CELF2: variants seen among roughly 807,000 people sequenced by gnomAD.
CELF2 encodes CUGBP Elav-like family member 2, also known as CUG triplet repeat RNA-binding protein 2.
A neutral mutation model predicts 62.6 loss-of-function variants in CELF2; 8 were observed. The ratio of observed to expected loss-of-function variants is 0.13; its 90% confidence interval spans 0.07 to 0.23. CELF2 has a LOEUF of 0.23. Among genes scored for constraint, CELF2 ranks in the 10% least tolerant of loss-of-function variants. The pLI is 1.00. For missense variants in CELF2, 333 were observed against 671.0 expected (o/e 0.50, Z 5.56); for synonymous variants, 258 against 250.0 (o/e 1.03, Z -0.30).
At chr10:11,107,939 C>A (rs1382853083) in intron 1 of CELF2, among the ~76,000 whole-genome samples, 1 of 128,896 alleles carries the variant, frequency 7.8e-6, no homozygotes, top group African/African-American at 3.3e-5. Flanking sequence ...TTCCTGTCCC[C>A]CATCCCGTCT....
rs917990103 is a variant in CELF2 at position 11,145,112 on chromosome 10, G to A, written c.75-20374G>A. On this transcript the variant is annotated intron_variant, in intron 1 of 12. Coordinates refer to ENST00000633077, the MANE Select transcript of CELF2 (RefSeq NM_001326342.2). This position sits in a 1 kb window ranked among gnomAD's most constrained non-coding sequence, Gnocchi z 4.3. ...TAGCCAAAGGTAATCTGTTTGTTAT[G>A]TACTTTCCTTTATTATCCCAGCAAG... 2.0e-5 allele frequency among the ~76,000 whole-genome samples: 3 copies of A among 152,218 alleles called. No individual in the cohort carries two copies. Among genetic ancestry groups the A allele is most frequent in the African/African-American group, 7.2e-5 (3 of 41,518 alleles).
chr10:11,034,719 T>A (rs1403622185), intron 1 of CELF2, among the ~76,000 whole-genome samples: 2 of 152,160 alleles, frequency 1.3e-5, no homozygotes, highest in African/African-American at 4.8e-5. Flanking sequence ...TTAGGTCAGG[T>A]TGAATCTGGT....
intron 1 of CELF2, among the ~76,000 whole-genome samples, chr10:11,036,139 T>G (rs1474701446): frequency 6.6e-6 from 1 of 152,228 alleles, no homozygotes; most frequent in Non-Finnish European, 1.5e-5. Context: ...GTCAGACCTT[T>G]GCCAAGATTA....
At chr10:10,590,714 C>T in the CELF2 span, among the ~76,000 whole-genome samples, 1 of 152,188 alleles carries the variant, frequency 6.6e-6, no homozygotes, top group South Asian at 2.1e-4. Context: ...TTAGATCTAC[C>T]AGCAAAGCTT....
the CELF2 span, among the ~76,000 whole-genome samples, chr10:10,707,450 G>A: frequency 2.6e-5 from 4 of 152,188 alleles, no homozygotes. Flanking sequence ...AATGATAGTT[G>A]TCACTAAATA....
intron 1 of CELF2, among the ~76,000 whole-genome samples, chr10:11,072,683 C>T (rs2070487556): frequency 6.6e-6 from 1 of 152,214 alleles, no homozygotes; most frequent in Non-Finnish European, 1.5e-5. Flanking sequence ...CATAGGAGCA[C>T]AAGAGTATCT....
At chr10:10,913,833 A>G (rs113823277) in intron 1 of CELF2, among the ~76,000 whole-genome samples, 9,591 of 133,996 alleles carry the variant, frequency 0.072, 772 homozygotes, top group African/African-American at 0.21. Flanking sequence ...GAGGGAGGGA[A>G]GGAAGGAAGG....
chr10:10,694,608 G>T, the CELF2 span, among the ~76,000 whole-genome samples: 2 of 151,902 alleles, frequency 1.3e-5, no homozygotes, highest in Non-Finnish European at 2.9e-5. Context: ...TGTTGACAGT[G>T]GGGTGTTAAA....
chr10:11,123,268 A>C (rs950969702), intron 1 of CELF2, among the ~76,000 whole-genome samples: 2 of 151,966 alleles, frequency 1.3e-5, no homozygotes, highest in East Asian at 3.9e-4. Flanking sequence ...ATTTTTTTTT[A>C]GAGACAGAAG....
At chr10:10,758,231 T>C in the CELF2 span, among the ~76,000 whole-genome samples, 1 of 152,196 alleles carries the variant, frequency 6.6e-6, no homozygotes, top group Admixed American at 6.5e-5. Flanking sequence ...CTGACTGCCG[T>C]CGTGGAAGGG....
At chr10:11,263,183 T>A (rs1590105660) in intron 5 of CELF2, among the ~76,000 whole-genome samples, 1 of 152,228 alleles carries the variant, frequency 6.6e-6, no homozygotes, top group Middle Eastern at 3.4e-3. Context: ...TTATCTGTTT[T>A]AGCAGCAAGA....
At chr10:10,508,168 CAA>C in the CELF2 span, among the ~76,000 whole-genome samples, 61,611 of 148,932 alleles carry the variant, frequency 0.41, 13,129 homozygotes, top group South Asian at 0.48. Flanking sequence ...CAGACAAATA[CAA>C]AAAAAAAAAA....
intron 2 of CELF2, among the ~76,000 whole-genome samples, chr10:11,167,956 T>TC (rs1200151350): frequency 6.6e-6 from 1 of 152,170 alleles, no homozygotes; most frequent in African/African-American, 2.4e-5. Flanking sequence ...TCGGACATGG[T>TC]CCATCTGTCT....
At chr10:10,681,909 G>A in the CELF2 span, among the ~76,000 whole-genome samples, 28 of 152,286 alleles carry the variant, frequency 1.8e-4, no homozygotes, top group Non-Finnish European at 2.9e-4. Flanking sequence ...AAAAGCTTAC[G>A]TGTAGTAAAT....
chr10:10,581,358 C>G, the CELF2 span, among the ~76,000 whole-genome samples: 8 of 152,130 alleles, frequency 5.3e-5, no homozygotes, highest in African/African-American at 1.9e-4. Context: ...CGATTTTGAT[C>G]CATTTTGCTT....
intron 1 of CELF2, among the ~76,000 whole-genome samples, chr10:11,100,891 C>T (rs1316488776): frequency 6.6e-6 from 1 of 152,160 alleles, no homozygotes; most frequent in Non-Finnish European, 1.5e-5. Flanking sequence ...AGGTTGCATT[C>T]AATGAAACAA....
the CELF2 span, among the ~76,000 whole-genome samples, chr10:10,743,989 CT>C: frequency 1.3e-5 from 2 of 152,098 alleles, no homozygotes; most frequent in African/African-American, 2.4e-5. Context: ...ACTTCTTTTT[CT>C]TCTTTATGTT....
At chr10:10,650,818 C>T in the CELF2 span, among the ~76,000 whole-genome samples, 1 of 152,186 alleles carries the variant, frequency 6.6e-6, no homozygotes, top group Non-Finnish European at 1.5e-5. Flanking sequence ...CCAGCGATTC[C>T]ACTCCTAGGT....
the CELF2 span, among the ~76,000 whole-genome samples, chr10:10,770,531 T>G: frequency 6.6e-6 from 1 of 151,990 alleles, no homozygotes; most frequent in African/African-American, 2.4e-5. Flanking sequence ...AGTATGAGAC[T>G]GAAGGGAAAT....
Sources: gnomAD v4.1 joint callset for allele counts (sites outside exome capture counted in the v4.1 genomes callset) on GRCh38, gnomAD v4.1.1 for gene constraint, Gnocchi (gnomAD v3.1) non-coding constraint, MANE v1.5 for transcripts, NCBI Gene and HGNC (gene_info 2026-07-23, HGNC 2026-07-21) for gene names.